EDIL3: variants seen among roughly 807,000 people sequenced by gnomAD.
EDIL3 encodes the protein EGF like and discoidin domains 3.
In EDIL3, 37 loss-of-function variants were observed where a neutral mutation model predicts 67.4. That is an observed-to-expected ratio of 0.55 (90% CI 0.42 to 0.72). The LOEUF is 0.72. EDIL3 is among the 30% of genes least tolerant of loss of function. The pLI is 0.00. For missense variants in EDIL3, 527 were observed against 586.3 expected (o/e 0.90, Z 1.04); for synonymous variants, 195 against 196.3 (o/e 0.99, Z 0.05).
intron 5 of EDIL3, among the ~76,000 whole-genome samples, chr5:84,111,527 C>A (rs1163706160): frequency 6.6e-6 from 1 of 152,138 alleles, no homozygotes; most frequent in Non-Finnish European, 1.5e-5. Context: ...ACATATTTGG[C>A]ACTTTTCTAG....
intron 3 of EDIL3, among the ~76,000 whole-genome samples, chr5:84,228,771 CTTGTCCAGTT>C (rs894942983): frequency 2.2e-4 from 33 of 152,158 alleles, no homozygotes; most frequent in Middle Eastern, 3.4e-3. Context: ...AGGTAAAATC[CTTGTCCAGTT>C]TTGCACAGAG....
At chr5:84,199,132 A>G (rs1479745717) in intron 3 of EDIL3, among the ~76,000 whole-genome samples, 3 of 151,996 alleles carry the variant, frequency 2.0e-5, no homozygotes, top group Non-Finnish European at 4.4e-5. Context: ...GTTCATCTTT[A>G]TCAGAAGGGC....
intron 1 of EDIL3, among the ~76,000 whole-genome samples, chr5:84,315,831 A>G (rs143664038): frequency 0.018 from 2,784 of 152,234 alleles, 87 homozygotes; most frequent in African/African-American, 0.063. Flanking sequence ...GGTTGAAATG[A>G]AGGAAAAAGT....
intron 1 of EDIL3, among the ~76,000 whole-genome samples, chr5:84,353,174 A>T (rs563096452): frequency 6.6e-6 from 1 of 152,264 alleles, no homozygotes; most frequent in Admixed American, 6.5e-5. Context: ...TATGGGTGCC[A>T]ACCAACGTGA....
intron 1 of EDIL3, among the ~76,000 whole-genome samples, chr5:84,341,167 T>C (rs1414057489): frequency 6.6e-6 from 1 of 152,032 alleles, no homozygotes. Context: ...AACACAACTT[T>C]TGCATAAATA....
At chr5:83,959,651 A>G (rs1233680493) in intron 10 of EDIL3, among the ~76,000 whole-genome samples, 5 of 150,828 alleles carry the variant, frequency 3.3e-5, no homozygotes, top group African/African-American at 1.2e-4. Flanking sequence ...CCTCTTATGG[A>G]GAGTAATCAT....
At chr5:84,057,757 A>C (rs1274200522) in intron 9 of EDIL3, among the ~76,000 whole-genome samples, 1 of 149,834 alleles carries the variant, frequency 6.7e-6, no homozygotes, top group Non-Finnish European at 1.5e-5. Context: ...GGCTCAAACC[A>C]ATAACTTGAA....
chr5:84,028,239 G>T (rs1430141408), intron 9 of EDIL3, among the ~76,000 whole-genome samples: 1 of 151,818 alleles, frequency 6.6e-6, no homozygotes, highest in Non-Finnish European at 1.5e-5. Context: ...TGCCTTTATA[G>T]TATTTTCCTA....
chr5:84,071,731 G>A (rs1580311869), intron 6 of EDIL3, among the ~76,000 whole-genome samples: 1 of 152,168 alleles, frequency 6.6e-6, no homozygotes, highest in East Asian at 1.9e-4. Flanking sequence ...GAAAATTCTA[G>A]AGACGCAAGA....
intron 1 of EDIL3, among the ~76,000 whole-genome samples, chr5:84,262,722 A>G (rs113300478): frequency 0.11 from 12,839 of 116,122 alleles, 676 homozygotes; most frequent in Middle Eastern, 0.28. Context: ...CCCAAGCTAG[A>G]GTGCAGTAGT....
At chr5:84,195,448 C>G (rs181758711) in intron 3 of EDIL3, among the ~76,000 whole-genome samples, 1 of 151,980 alleles carries the variant, frequency 6.6e-6, no homozygotes, top group Non-Finnish European at 1.5e-5. Context: ...CTGATCAGTA[C>G]AGTAAAGTTT....
In EDIL3 at chr5:84,246,310, T is replaced by C. The variant is rs145410554; in HGVS notation, c.196+7774A>G. Among the ~76,000 whole-genome samples, 1,137 of 152,342 alleles carry C rather than the reference T, an allele frequency of 7.5e-3. 13 individuals are homozygous for C. The highest frequency in any genetic ancestry group is 0.026 in the African/African-American group (1,079 of 41,574). Reference sequence around the variant, plus strand: ...TTTAGGACTCGATCTTTCTTACTACTCTTGACACCTTTGCCACTGCCACTA... The same window carrying C: ...TTTAGGACTCGATCTTTCTTACTACCCTTGACACCTTTGCCACTGCCACTA... On this transcript the variant is annotated intron_variant, in intron 2 of 10. Coordinates refer to ENST00000296591, the MANE Select transcript of EDIL3 (RefSeq NM_005711.5).
At chr5:84,086,398 G>A (rs548358939) in intron 6 of EDIL3, among the ~76,000 whole-genome samples, 1 of 152,096 alleles carries the variant, frequency 6.6e-6, no homozygotes, top group Non-Finnish European at 1.5e-5. Context: ...CCTTGTTTTG[G>A]GGGAGGGCAG....
chr5:84,033,364 G>T (rs553528055), intron 9 of EDIL3, among the ~76,000 whole-genome samples: 16 of 151,668 alleles, frequency 1.1e-4, no homozygotes, highest in Admixed American at 3.9e-4. Context: ...TTTTTCTAAC[G>T]TAACTTCAAA....
At chr5:84,067,079 T>C (rs1386362006) in intron 6 of EDIL3, among the ~76,000 whole-genome samples, 1 of 152,200 alleles carries the variant, frequency 6.6e-6, no homozygotes, top group Non-Finnish European at 1.5e-5. Flanking sequence ...ACCAGAATTT[T>C]AAAAAGTAAA....
chr5:84,150,408 T>C (rs940531781), intron 4 of EDIL3, among the ~76,000 whole-genome samples: 7 of 152,134 alleles, frequency 4.6e-5, no homozygotes, highest in African/African-American at 1.4e-4. Context: ...AGAACTTGTA[T>C]ATACAACATA....
At position 84,202,249 on chromosome 5, in the gene EDIL3, G is replaced by A. The variant is rs144827318; in HGVS notation, c.227-21728C>T. On this transcript the variant is annotated intron_variant, in intron 3 of 10. Coordinates refer to ENST00000296591, the MANE Select transcript of EDIL3 (RefSeq NM_005711.5). ...CTGTGGGAGAAACTGCTGAGATGTA[G>A]CCTTGTCAGCCCGAGACCCTGGGTA... Among the ~76,000 whole-genome samples the A allele has an allele frequency of 1.4e-3, 206 of 152,148 alleles. 1 individual carries two copies. Among genetic ancestry groups the A allele is most frequent in the African/African-American group, 4.6e-3 (191 of 41,512 alleles).
At position 84,332,550 on chromosome 5, in the gene EDIL3, C is replaced by T. The variant is rs1301976877; in HGVS notation, c.67+51758G>A. The stretch of plus-strand genomic sequence containing the variant: ...CTTTAAGGAACTTAAAAGAATCTCC[C>T]TTCTTTTCAGGTATGCAGAAGACAT... On this transcript the variant is annotated intron_variant, in intron 1 of 10. Transcript: ENST00000296591. Among the ~76,000 whole-genome samples the T allele has an allele frequency of 2.6e-5, 4 of 152,164 alleles. No homozygotes were observed. In the East Asian group the frequency reaches 7.7e-4, roughly 29 times the overall value.
chr5:84,098,977 T>C (rs989472953), intron 6 of EDIL3, among the ~76,000 whole-genome samples: 2 of 152,092 alleles, frequency 1.3e-5, no homozygotes, highest in Admixed American at 1.3e-4. Context: ...GGGAGTTCAC[T>C]CATGATTTGG....
Sources: gnomAD v4.1 joint callset for allele counts (sites outside exome capture counted in the v4.1 genomes callset) on GRCh38, gnomAD v4.1.1 for gene constraint, MANE v1.5 for transcripts, NCBI Gene and HGNC (gene_info 2026-07-23, HGNC 2026-07-21) for gene names.